The following PCDH7 variants were observed in gnomAD, a reference collection of about 807,000 sequenced individuals.
The protein encoded by PCDH7 is protocadherin-7.
Under a neutral mutation model 58.9 loss-of-function variants are expected in PCDH7, and 17 were observed. The ratio of observed to expected loss-of-function variants is 0.29; its 90% CI spans 0.20 to 0.43. The LOEUF is 0.43. PCDH7 is among the 20% of genes least tolerant of loss of function. The pLI, the probability that PCDH7 is intolerant of heterozygous loss-of-function variation, is 1.00. For missense variants in PCDH7, 1,274 were observed against 1,441.0 expected (o/e 0.88, Z 1.88); for synonymous variants, 664 against 616.4 (o/e 1.08, Z -1.14).
chr4:31,035,397 G>A (rs995599146), intron 3 of PCDH7, among the ~76,000 whole-genome samples: 1 of 151,996 alleles, frequency 6.6e-6, no homozygotes, highest in African/African-American at 2.4e-5. Context: ...AGGATTATGG[G>A]CGTGTGCCAC....
At position 31,128,485 on chromosome 4, in the gene PCDH7, C is replaced by A. The variant is rs185527288; in HGVS notation, c.*8-13988C>A. On this transcript the variant is annotated intron_variant, in intron 3 of 3. Transcript: ENST00000509759. ...ATCTCTTCTATCAGAAACATTTCATCTGTGTTTTGAAAATTTTCATCTATG... is the reference window on the plus strand; with the variant it reads ...ATCTCTTCTATCAGAAACATTTCATATGTGTTTTGAAAATTTTCATCTATG... Among the ~76,000 whole-genome samples the A allele has an allele frequency of 6.3e-4, 96 of 152,160 alleles. 2 individuals carry two copies. Among genetic ancestry groups the A allele is most frequent in the Admixed American group, 4.3e-3 (65 of 15,278 alleles).
chr4:30,766,738 T>G (rs1720803974), intron 1 of PCDH7, among the ~76,000 whole-genome samples: 1 of 152,058 alleles, frequency 6.6e-6, no homozygotes, highest in African/African-American at 2.4e-5. Flanking sequence ...ACAAAGTATT[T>G]TCTATACTTT....
At chr4:30,786,840 C>T (rs1458362405) in intron 1 of PCDH7, 1 of 652,178 alleles carries the variant, frequency 1.5e-6, no homozygotes, top group East Asian at 1.3e-4. Flanking sequence ...ATGTTGGATC[C>T]TAATAGACCT....
chr4:31,140,148 A>C (rs1166131405), intron 3 of PCDH7, among the ~76,000 whole-genome samples: 1 of 152,202 alleles, frequency 6.6e-6, no homozygotes. Flanking sequence ...TAGGTAGTTT[A>C]GGTACACAAG....
intron 1 of PCDH7, among the ~76,000 whole-genome samples, chr4:30,817,767 C>A: frequency 6.6e-6 from 1 of 152,034 alleles, no homozygotes; most frequent in Non-Finnish European, 1.5e-5. Flanking sequence ...TTCTGCCTGG[C>A]AAAGAGTATC....
chr4:31,139,269 T>A (rs1176335170), intron 3 of PCDH7, among the ~76,000 whole-genome samples: 2 of 152,088 alleles, frequency 1.3e-5, no homozygotes, highest in Non-Finnish European at 2.9e-5. Flanking sequence ...TTGTGGAAAA[T>A]GCTTACAGAG....
intron 1 of PCDH7, among the ~76,000 whole-genome samples, chr4:30,826,427 A>T (rs1480504081): frequency 6.6e-6 from 1 of 152,058 alleles, no homozygotes; most frequent in African/African-American, 2.4e-5. Context: ...ACAGTTTATC[A>T]ATAATCCACC....
At chr4:31,048,816 C>A (rs897615324) in intron 3 of PCDH7, among the ~76,000 whole-genome samples, 1 of 152,020 alleles carries the variant, frequency 6.6e-6, no homozygotes, top group Non-Finnish European at 1.5e-5. Context: ...AGTGTAAGCT[C>A]TTCTTCCAAA....
chr4:30,824,735 A>C (rs1278868739), intron 1 of PCDH7, among the ~76,000 whole-genome samples: 2 of 152,190 alleles, frequency 1.3e-5, no homozygotes, highest in African/African-American at 4.8e-5. Context: ...AGCAGAGCAC[A>C]TTGCAGAATA....
chr4:31,033,590 A>G (rs115788195), intron 3 of PCDH7, among the ~76,000 whole-genome samples: 1,626 of 152,258 alleles, frequency 0.011, 33 homozygotes, highest in African/African-American at 0.038. Flanking sequence ...CGATATAAAA[A>G]CAAGCTTTTG....
At chr4:31,015,418 T>C (rs1004844595) in intron 3 of PCDH7, among the ~76,000 whole-genome samples, 1 of 152,202 alleles carries the variant, frequency 6.6e-6, no homozygotes, top group Non-Finnish European at 1.5e-5. Context: ...ATAAGTAAGA[T>C]ATGTCTGTCA....
At chr4:31,099,120 T>C (rs558537201) in intron 3 of PCDH7, among the ~76,000 whole-genome samples, 1 of 152,310 alleles carries the variant, frequency 6.6e-6, no homozygotes, top group East Asian at 1.9e-4. Flanking sequence ...ACAATTCAGC[T>C]TATAACACAG....
At chr4:31,124,269 A>G (rs1232344445) in intron 3 of PCDH7, among the ~76,000 whole-genome samples, 1 of 152,170 alleles carries the variant, frequency 6.6e-6, no homozygotes, top group Non-Finnish European at 1.5e-5. Flanking sequence ...TGTATACCAT[A>G]ATGCTAAGCA....
At chr4:30,866,711 A>G (rs1203813335) in intron 1 of PCDH7, among the ~76,000 whole-genome samples, 1 of 152,004 alleles carries the variant, frequency 6.6e-6, no homozygotes, top group Non-Finnish European at 1.5e-5. Flanking sequence ...AAAAAAAAAA[A>G]AGTATTGTCC....
At chr4:30,895,992 G>C (rs1739349582) in intron 1 of PCDH7, among the ~76,000 whole-genome samples, 2 of 152,162 alleles carry the variant, frequency 1.3e-5, no homozygotes. Context: ...CAATGTCAAA[G>C]GTATTTGGAG....
At chr4:31,007,514 T>G (rs183521503) in intron 3 of PCDH7, among the ~76,000 whole-genome samples, 2 of 152,232 alleles carry the variant, frequency 1.3e-5, no homozygotes, top group Admixed American at 1.3e-4. Context: ...TTATGTCCAG[T>G]TTTAATTGTT....
At chr4:30,925,126 C>T (rs1008708228) in intron 2 of PCDH7, among the ~76,000 whole-genome samples, 1 of 152,190 alleles carries the variant, frequency 6.6e-6, no homozygotes, top group Admixed American at 6.5e-5. Flanking sequence ...CCATTTCCTT[C>T]ATCTCTTCAT....
chr4:31,098,878 G>A (rs1714521777), intron 3 of PCDH7, among the ~76,000 whole-genome samples: 1 of 152,102 alleles, frequency 6.6e-6, no homozygotes, highest in South Asian at 2.1e-4. Flanking sequence ...AGGTTGAGCA[G>A]GTTTGGTTTC....
intron 1 of PCDH7, among the ~76,000 whole-genome samples, chr4:30,787,986 C>T (rs1723630799): frequency 6.6e-6 from 1 of 151,842 alleles, no homozygotes; most frequent in African/African-American, 2.4e-5. Context: ...GCAATTGAGC[C>T]GTTTAAATTA....
Sources: gnomAD v4.1 joint callset for allele counts (sites outside exome capture counted in the v4.1 genomes callset) on GRCh38, gnomAD v4.1.1 for gene constraint, MANE v1.5 for transcripts, NCBI Gene and HGNC (gene_info 2026-07-23, HGNC 2026-07-21) for gene names.